ORC3: variants seen among roughly 807,000 people sequenced by gnomAD.
The protein encoded by ORC3 is origin recognition complex subunit 3.
ORC3 carries 78 observed loss-of-function variants against 100.7 expected under a neutral mutation model. That is an observed-to-expected ratio of 0.77 (90% CI 0.65 to 0.94). ORC3 has a LOEUF of 0.94. Among genes scored for constraint, ORC3 ranks in the 40% least tolerant of loss-of-function variants. ORC3 has a pLI of 0.00. For missense variants in ORC3, 789 were observed against 823.9 expected (o/e 0.96, Z 0.52); for synonymous variants, 295 against 289.3 (o/e 1.02, Z -0.20).
rs1192737375 is a variant in ORC3, at chr6:87,601,823, G to C, written c.119G>C (p.Ser40Thr). Residue 40 changes from serine to threonine, a missense_variant, in exon 3 of 20, where the codon AGT becomes ACT. Physicochemically the swap from Ser to Thr is moderately conservative, Grantham distance 58 (BLOSUM62 1). This residue lies in a region of ORC3 where 399 missense variants were observed against 382.0 expected (regional missense o/e 1.04). Transcript: ENST00000392844. ...FNKGKNEPEDSKLRFETYQLI... is the reference protein window; with the variant it reads ...FNKGKNEPEDTKLRFETYQLI... ...AAAGGGAAAAATGAGCCTGAGGACA[G>C]TAAGCTTCGATTCGAAACTTATCAG... 6.2e-7 allele frequency: 1 copy of C among 1,611,416 alleles called. No individual in the cohort carries two copies. The highest frequency in any genetic ancestry group is 1.7e-5 in the Admixed American group (1 of 59,998).
chr6:87,625,311 A>G (rs796708000), intron 11 of ORC3, among the ~76,000 whole-genome samples: 1 of 152,190 alleles, frequency 6.6e-6, no homozygotes, highest in African/African-American at 2.4e-5. Flanking sequence ...CACTCCTACC[A>G]ACAGTGTAAA....
intron 11 of ORC3, among the ~76,000 whole-genome samples, chr6:87,622,896 C>T (rs1779634536): frequency 6.6e-6 from 1 of 152,152 alleles, no homozygotes; most frequent in South Asian, 2.1e-4. Flanking sequence ...ATGCCTCTTA[C>T]TGATGAGCAT....
rs150996741 is a variant in ORC3, at chr6:87,653,103, G to A, written c.1383-13G>A. ...TAGTTATATTACATTTCCTGTCACTGACTCTGTTCTAGGATGTTGGCAAAG... is the reference window on the plus strand; with the variant it reads ...TAGTTATATTACATTTCCTGTCACTAACTCTGTTCTAGGATGTTGGCAAAG... On this transcript the variant is annotated splice_polypyrimidine_tract_variant and intron_variant, in intron 13 of 19. Coordinates refer to ENST00000392844, the MANE Select transcript of ORC3 (RefSeq NM_012381.4). The A allele has an allele frequency of 1.2e-5, 19 of 1,574,232 alleles. No homozygotes were observed. Among genetic ancestry groups the A allele is most frequent in the Non-Finnish European group, 1.6e-5 (19 of 1,156,952 alleles).
chr6:87,607,427 T>A (rs1778423319), intron 5 of ORC3, among the ~76,000 whole-genome samples: 2 of 150,952 alleles, frequency 1.3e-5, no homozygotes, highest in African/African-American at 4.9e-5. Context: ...CGAGACTCCA[T>A]CTCAAAAAAA....
chr6:87,599,805 G>A (rs908422598), intron 2 of ORC3, among the ~76,000 whole-genome samples: 9 of 152,162 alleles, frequency 5.9e-5, no homozygotes, highest in African/African-American at 4.8e-5. Context: ...GTGAAACCCC[G>A]TCTCTGCTAA....
At chr6:87,591,139 C>T (rs1167351271) in intron 1 of ORC3, among the ~76,000 whole-genome samples, 1 of 152,214 alleles carries the variant, frequency 6.6e-6, no homozygotes. Flanking sequence ...GCTGCAGCTA[C>T]CATTTTAGAT....
At chr6:87,672,913 G>A in the ORC3 span, among the ~76,000 whole-genome samples, 1 of 152,024 alleles carries the variant, frequency 6.6e-6, no homozygotes. Flanking sequence ...TATCAGTACT[G>A]CCTTTTACTG....
chr6:87,656,788 C>T, intron 14 of ORC3, 118 bp from the exon 15 acceptor site: 2 of 626,978 alleles, frequency 3.2e-6, no homozygotes, highest in East Asian at 2.8e-5. Flanking sequence ...ATCTTGATCC[C>T]TTGCCACATT....
intron 8 of ORC3, among the ~76,000 whole-genome samples, chr6:87,613,876 C>T (rs1778964848): frequency 6.6e-6 from 1 of 152,208 alleles, no homozygotes; most frequent in Non-Finnish European, 1.5e-5. Flanking sequence ...TCCTGGCTGC[C>T]TTCATGGGCT....
At chr6:87,647,512 C>T (rs1006112953) in intron 13 of ORC3, among the ~76,000 whole-genome samples, 3 of 152,138 alleles carry the variant, frequency 2.0e-5, no homozygotes, top group African/African-American at 4.8e-5. Flanking sequence ...CATGGCTCTC[C>T]GCTTATTCTG....
chr6:87,610,977 C>A (rs543362374), intron 7 of ORC3, among the ~76,000 whole-genome samples: 11 of 138,940 alleles, frequency 7.9e-5, no homozygotes, highest in Admixed American at 3.1e-4. Context: ...GGCTCTGTCA[C>A]CCAGGCTAGA....
intron 2 of ORC3, among the ~76,000 whole-genome samples, chr6:87,601,074 G>C (rs1391571306): frequency 2.0e-5 from 3 of 152,172 alleles, no homozygotes; most frequent in Non-Finnish European, 4.4e-5. Flanking sequence ...GTGGAAAAAT[G>C]TAAGAATAGT....
At chr6:87,677,357 A>G in the ORC3 span, among the ~76,000 whole-genome samples, 1 of 152,216 alleles carries the variant, frequency 6.6e-6, no homozygotes, top group Non-Finnish European at 1.5e-5. Flanking sequence ...GTGGCTAAAC[A>G]TTCTATTTAT....
At chr6:87,625,030 T>C (rs990814033) in intron 11 of ORC3, among the ~76,000 whole-genome samples, 2 of 152,196 alleles carry the variant, frequency 1.3e-5, no homozygotes, top group African/African-American at 4.8e-5. Context: ...GAACTCATCC[T>C]TTTTTTATGG....
intron 11 of ORC3, among the ~76,000 whole-genome samples, chr6:87,624,096 A>G (rs1779719094): frequency 6.6e-6 from 1 of 152,196 alleles, no homozygotes; most frequent in Non-Finnish European, 1.5e-5. Flanking sequence ...ACAGTGAGAA[A>G]TATGAAAAAG....
chr6:87,618,177 G>A (rs1356297577), intron 9 of ORC3, among the ~76,000 whole-genome samples: 12 of 152,306 alleles, frequency 7.9e-5, no homozygotes, highest in African/African-American at 1.2e-4. Context: ...TGGGGAGGCC[G>A]AGGCAGGCAG....
At chr6:87,646,019 C>T (rs1004845118) in intron 13 of ORC3, among the ~76,000 whole-genome samples, 9 of 131,304 alleles carry the variant, frequency 6.9e-5, no homozygotes, top group Admixed American at 2.7e-4. Flanking sequence ...CGGAGTCTTG[C>T]GCTGTTGCCC....
chr6:87,662,982 A>C, intron 16 of ORC3, 21 bp from the exon 17 acceptor site: 1 of 1,574,904 alleles, frequency 6.3e-7, no homozygotes, highest in Middle Eastern at 1.9e-4. Flanking sequence ...CTAAACATGG[A>C]TGCCTGACTG....
intron 13 of ORC3, among the ~76,000 whole-genome samples, chr6:87,650,142 G>C (rs188104703): frequency 1.7e-4 from 24 of 141,336 alleles, no homozygotes; most frequent in Admixed American, 1.5e-3. Flanking sequence ...CTGCAGCCTT[G>C]ACCTCCCAGG....
Sources: gnomAD v4.1 joint callset for allele counts (sites outside exome capture counted in the v4.1 genomes callset) on GRCh38, gnomAD v4.1.1 for gene constraint, gnomAD v4.1.1 regional missense constraint, MANE v1.5 for transcripts, NCBI Gene and HGNC (gene_info 2026-07-23, HGNC 2026-07-21) for gene names.